Variants in SH3BP5 observed in about 807,000 individuals in gnomAD.
SH3BP5 encodes the protein SH3 domain binding protein 5.
Under a neutral mutation model 43.3 loss-of-function variants are expected in SH3BP5, and 22 were observed. The ratio of observed to expected loss-of-function variants is 0.51; its 90% CI spans 0.36 to 0.73. The LOEUF is 0.73. SH3BP5 is among the 30% of genes least tolerant of loss of function. The probability of loss-of-function intolerance (pLI) is 0.00; values close to 1 mark genes in which losing one functional copy is unlikely to be tolerated. For missense variants in SH3BP5, 529 were observed against 586.9 expected (o/e 0.90, Z 1.02); for synonymous variants, 255 against 225.8 (o/e 1.13, Z -1.16).
chr3:15,292,841 T>A (rs577134553), intron 3 of SH3BP5, among the ~76,000 whole-genome samples: 3 of 151,858 alleles, frequency 2.0e-5, no homozygotes, highest in African/African-American at 7.2e-5. Flanking sequence ...AAAGCGAAAT[T>A]CCATCTAAAA....
At chr3:15,337,061 G>A (rs1698708044), upstream of SH3BP5, among the ~76,000 whole-genome samples, 6 of 150,268 alleles carry the variant, frequency 4.0e-5, no homozygotes. Flanking sequence ...CTCAGCCAAA[G>A]AGTTGGGGTT....
At chr3:15,288,890 A>G (rs1697335466) in intron 3 of SH3BP5, among the ~76,000 whole-genome samples, 1 of 152,236 alleles carries the variant, frequency 6.6e-6, no homozygotes, top group Admixed American at 6.5e-5. Context: ...CAAAACACTC[A>G]CTTTATGAGA....
intron 3 of SH3BP5, among the ~76,000 whole-genome samples, chr3:15,295,316 G>A (rs1187126097): frequency 6.6e-6 from 1 of 152,162 alleles, no homozygotes; most frequent in African/African-American, 2.4e-5. Context: ...CCATCGACAT[G>A]CACAGAGTGG....
chr3:15,287,410 CATGAAAGTT>C (rs1697295776), intron 3 of SH3BP5, among the ~76,000 whole-genome samples: 1 of 152,104 alleles, frequency 6.6e-6, no homozygotes, highest in Non-Finnish European at 1.5e-5. Flanking sequence ...AGGAAGGGTT[CATGAAAGTT>C]ACATTGACTT....
intron 3 of SH3BP5, among the ~76,000 whole-genome samples, chr3:15,282,847 A>T (rs779969694): frequency 6.6e-6 from 1 of 152,106 alleles, no homozygotes; most frequent in Non-Finnish European, 1.5e-5. Flanking sequence ...CTGATTGGCA[A>T]GAGGTTAACA....
At chr3:15,332,045 C>G in intron 1 of SH3BP5, 2 of 629,232 alleles carry the variant, frequency 3.2e-6, no homozygotes, top group Non-Finnish European at 5.2e-6. Flanking sequence ...TACGGGTCGG[C>G]GGGGGACTCC....
Position 15,298,285 on chromosome 3 carries a change from G to GA in SH3BP5, c.330+5817dup, listed in dbSNP as rs964504115. Among the ~76,000 whole-genome samples the GA allele has an allele frequency of 1.1e-4, 16 of 151,996 alleles. No individual in the cohort carries two copies. In the East Asian group the frequency reaches 1.4e-3, roughly 13 times the overall value. Reference sequence around the variant, plus strand: ...AATTAGCCAACTCCATTTTATGGATGAAAAAAAATGAGGCACAGAGATTAG... The same window carrying GA: ...AATTAGCCAACTCCATTTTATGGATGAAAAAAAAATGAGGCACAGAGATTAG... On this transcript the variant is annotated intron_variant, in intron 3 of 8. Coordinates refer to ENST00000383791, the MANE Select transcript of SH3BP5 (RefSeq NM_004844.5).
At chr3:15,338,726 GA>G (rs113668358) in intron 1 of SH3BP5, among the ~76,000 whole-genome samples, 9,184 of 142,972 alleles carry the variant, frequency 0.064, 372 homozygotes, top group African/African-American at 0.12. Context: ...AAGGTCCCCC[GA>G]AAAAAAAAAA....
Position 15,255,249 on chromosome 3 carries a change from A to G in SH3BP5, c.*837T>C, listed in dbSNP as rs1482209365. On this transcript the variant is annotated 3_prime_UTR_variant, in exon 9 of 9. Coordinates refer to ENST00000383791, the MANE Select transcript of SH3BP5 (RefSeq NM_004844.5). ...AATAATTTCATTTATTTTTAAAGTTACAACCTACAGAGAAATTAACATCTT... is the reference window on the plus strand; with the variant it reads ...AATAATTTCATTTATTTTTAAAGTTGCAACCTACAGAGAAATTAACATCTT... 8 of 152,670 alleles carry G rather than the reference A, an allele frequency of 5.2e-5. No homozygotes were observed. The highest frequency in any genetic ancestry group is 3.9e-4 in the Admixed American group (6 of 15,288). The allele number at this position is 152,670 out of a possible 1,614,324, so 9.5% of individuals were successfully genotyped here.
intron 4 of SH3BP5, among the ~76,000 whole-genome samples, chr3:15,269,112 G>A (rs897343176): frequency 2.0e-5 from 3 of 152,104 alleles, no homozygotes; most frequent in Non-Finnish European, 4.4e-5. Context: ...TCAGAGAGGT[G>A]GTCATGAGAG....
intron 2 of SH3BP5, among the ~76,000 whole-genome samples, chr3:15,319,990 C>G (rs763342112): frequency 5.9e-5 from 9 of 152,094 alleles, no homozygotes; most frequent in Non-Finnish European, 1.2e-4. Flanking sequence ...GAAACAGTAA[C>G]CAGAACAATG....
At chr3:15,332,759 C>A, upstream of SH3BP5, 1 of 709,122 alleles carries the variant, frequency 1.4e-6, no homozygotes, top group Non-Finnish European at 1.8e-6. Flanking sequence ...GCCCCCACCC[C>A]CTTGTAACTT....
intron 5 of SH3BP5, 173 bp from the exon 6 acceptor site, chr3:15,259,976 A>C (rs1403108196): frequency 6.2e-6 from 4 of 645,894 alleles, no homozygotes; most frequent in Non-Finnish European, 1.1e-5. Flanking sequence ...CTGGAGACTG[A>C]CAGACACCAG....
intron 3 of SH3BP5, among the ~76,000 whole-genome samples, chr3:15,282,082 A>G (rs958992628): frequency 6.6e-6 from 1 of 152,258 alleles, no homozygotes; most frequent in African/African-American, 2.4e-5. Flanking sequence ...TTGAGCCACT[A>G]TGAGGCCGTA....
intron 2 of SH3BP5, among the ~76,000 whole-genome samples, chr3:15,328,348 G>A (rs1698516307): frequency 6.6e-6 from 1 of 151,942 alleles, no homozygotes; most frequent in Non-Finnish European, 1.5e-5. Flanking sequence ...TGAGATGTGG[G>A]CCATCTTGTT....
chr3:15,265,549 CACACACACACAA>C (rs1679983175), intron 4 of SH3BP5, among the ~76,000 whole-genome samples: 1 of 146,406 alleles, frequency 6.8e-6, no homozygotes, highest in African/African-American at 2.5e-5. Context: ...CACACACACA[CACACACACACAA>C]CCCTCCAGCT....
chr3:15,265,512 T>TCACACACTCACACACACACA (rs1553613880), intron 4 of SH3BP5, among the ~76,000 whole-genome samples: 1 of 107,934 alleles, frequency 9.3e-6, no homozygotes, highest in Non-Finnish European at 1.8e-5. Flanking sequence ...CGAGACTCCG[T>TCACACACTCACACACACACA]CACACACACA....
At chr3:15,329,520 C>CA (rs1297568792) in intron 2 of SH3BP5, among the ~76,000 whole-genome samples, 1 of 152,214 alleles carries the variant, frequency 6.6e-6, no homozygotes, top group African/African-American at 2.4e-5. Context: ...CAGGCTTTTT[C>CA]ATCCACATTG....
At chr3:15,256,334 G>C (rs763543739) in intron 8 of SH3BP5, 31 bp from the exon 9 acceptor site, 10 of 1,594,136 alleles carry the variant, frequency 6.3e-6, no homozygotes, top group Non-Finnish European at 8.6e-6. Context: ...TCAAAAGTGA[G>C]TATTGACAAT....
Sources: gnomAD v4.1 joint callset for allele counts (sites outside exome capture counted in the v4.1 genomes callset) on GRCh38, gnomAD v4.1.1 for gene constraint, MANE v1.5 for transcripts, NCBI Gene and HGNC (gene_info 2026-07-23, HGNC 2026-07-21) for gene names.